The following FILIP1L variants were observed in gnomAD, a reference collection of about 807,000 sequenced individuals.
FILIP1L encodes filamin A interacting protein 1 like, also known as filamin A-interacting protein 1-like.
In FILIP1L, 55 loss-of-function variants were observed where a neutral mutation model predicts 96.6. The observed-to-expected ratio is 0.57, with a 90% CI of 0.46 to 0.71. The LOEUF (loss-of-function observed/expected upper bound fraction) is 0.71. Ranked by LOEUF, FILIP1L falls within the 30% of genes least tolerant of loss-of-function variation. The pLI, the probability that FILIP1L is intolerant of heterozygous loss-of-function variation, is 0.00. For synonymous variants in FILIP1L, 467 were observed against 473.9 expected (o/e 0.99, Z 0.19); for missense variants, 1,304 against 1,321.2 (o/e 0.99, Z 0.20).
intron 4 of FILIP1L, among the ~76,000 whole-genome samples, chr3:99,878,411 G>T (rs995175931): frequency 6.6e-6 from 1 of 152,206 alleles, no homozygotes; most frequent in African/African-American, 2.4e-5. Flanking sequence ...CGCTACTAAA[G>T]TAATGATACA....
Position 100,042,034 on chromosome 3 carries a change from G to T in FILIP1L, c.-11+72019C>A, listed in dbSNP as rs960939419. Among the ~76,000 whole-genome samples, 4 of 152,066 alleles carry T rather than the reference G, an allele frequency of 2.6e-5. No individual in the cohort carries two copies. In the South Asian group the frequency reaches 8.3e-4, roughly 32 times the overall value. On this transcript the variant is annotated intron_variant, in intron 1 of 5. Coordinates refer to ENST00000477258, the MANE Select transcript of FILIP1L (RefSeq NM_001387850.1). ...TTTTATTTCATATATGCCCCCTTCT[G>T]CTCCCCTTTCTCTTTATTTTGCCAT... is the stretch of plus-strand genomic sequence containing the variant.
chr3:100,008,401 T>C (rs1710048438), intron 1 of FILIP1L, among the ~76,000 whole-genome samples: 1 of 152,164 alleles, frequency 6.6e-6, no homozygotes, highest in Admixed American at 6.5e-5. Context: ...AAGATTTTCA[T>C]ATGAGTTGCA....
intron 4 of FILIP1L, among the ~76,000 whole-genome samples, chr3:99,923,573 C>A (rs1193011647): frequency 2.0e-5 from 3 of 152,162 alleles, no homozygotes; most frequent in Non-Finnish European, 4.4e-5. Flanking sequence ...TGCGCACACC[C>A]CCCTCCCAAC....
intron 1 of FILIP1L, among the ~76,000 whole-genome samples, chr3:100,091,170 A>G (rs927780541): frequency 2.6e-5 from 4 of 151,866 alleles, no homozygotes; most frequent in African/African-American, 9.7e-5. Flanking sequence ...CTGTAGTCCC[A>G]GCTACTCGGG....
At chr3:100,104,657 C>G (rs2066364909) in intron 1 of FILIP1L, among the ~76,000 whole-genome samples, 1 of 152,144 alleles carries the variant, frequency 6.6e-6, no homozygotes. Context: ...GGGCCTTTTC[C>G]TGTTTTGCAG....
At chr3:99,870,553 T>C (rs1472233125) in intron 4 of FILIP1L, among the ~76,000 whole-genome samples, 1 of 152,188 alleles carries the variant, frequency 6.6e-6, no homozygotes, top group Admixed American at 6.5e-5. Context: ...GTGGTACCAG[T>C]CCATGCTAGT....
chr3:99,961,310 TC>T (rs1708483057), intron 1 of FILIP1L, among the ~76,000 whole-genome samples: 1 of 152,250 alleles, frequency 6.6e-6, no homozygotes, highest in Non-Finnish European at 1.5e-5. Context: ...TTGTTTGAAA[TC>T]CTCTGAGTAT....
intron 1 of FILIP1L, among the ~76,000 whole-genome samples, chr3:99,938,073 G>A (rs891009278): frequency 2.7e-3 from 130 of 47,756 alleles, no homozygotes; most frequent in African/African-American, 9.4e-3. Flanking sequence ...GTGTGTGTGT[G>A]TGCGCGCGCG....
At chr3:99,872,310 T>C (rs898730401) in intron 4 of FILIP1L, among the ~76,000 whole-genome samples, 1 of 149,952 alleles carries the variant, frequency 6.7e-6, no homozygotes, top group Non-Finnish European at 1.5e-5. Flanking sequence ...TGTGTGTGTG[T>C]GTGTGTGTGT....
At chr3:100,087,716 A>G (rs2066035132) in intron 1 of FILIP1L, among the ~76,000 whole-genome samples, 1 of 152,066 alleles carries the variant, frequency 6.6e-6, no homozygotes, top group Non-Finnish European at 1.5e-5. Context: ...CACAAAGGAA[A>G]AGTTTTTGAA....
At chr3:99,903,382 G>T (rs189051267) in intron 4 of FILIP1L, among the ~76,000 whole-genome samples, 70 of 152,108 alleles carry the variant, frequency 4.6e-4, no homozygotes, top group Admixed American at 1.1e-3. Context: ...CTCCTGAGTA[G>T]CTGGGATTAC....
chr3:99,898,091 T>C lies in FILIP1L; in HGVS notation c.605+26139A>G, dbSNP rs191397306. 8.0e-4 allele frequency: 122 copies of C among 152,358 alleles called. 1 individual carries two copies. The East Asian group carries it at 0.019, about 23-fold the overall frequency. 9.4% of individuals were successfully genotyped at this position (152,358 alleles called of 1,614,324 possible). ...TTTTTAAATAGGCTTATCTAAGTTA[T>C]TAGACTCTCAAGGAAACTTTCAAAA... is the stretch of plus-strand genomic sequence containing the variant. On this transcript the variant is annotated intron_variant, in intron 4 of 5. Coordinates refer to ENST00000477258, the MANE Select transcript of FILIP1L (RefSeq NM_001387850.1).
intron 5 of FILIP1L, among the ~76,000 whole-genome samples, chr3:99,847,653 G>A (rs1943427674): frequency 6.6e-6 from 1 of 152,032 alleles, no homozygotes; most frequent in East Asian, 1.9e-4. Flanking sequence ...ACTGTGCTGG[G>A]CTCTTAGAGA....
At chr3:100,084,120 T>C (rs755228714) in intron 1 of FILIP1L, among the ~76,000 whole-genome samples, 8 of 152,224 alleles carry the variant, frequency 5.3e-5, no homozygotes, top group Admixed American at 2.0e-4. Context: ...CCTCGGGCCA[T>C]GAGACCCATG....
chr3:99,887,517 A>C (rs762080644), intron 4 of FILIP1L, among the ~76,000 whole-genome samples: 10 of 152,196 alleles, frequency 6.6e-5, no homozygotes, highest in African/African-American at 2.4e-4. Flanking sequence ...GGCTACGAAT[A>C]GGTCTTAAAA....
At position 100,090,670 on chromosome 3, in the gene FILIP1L, G is replaced by A. The variant is rs565527841; in HGVS notation, c.-11+23383C>T. Among the ~76,000 whole-genome samples the A allele has an allele frequency of 2.6e-5, 4 of 152,212 alleles. No individual in the cohort carries two copies. The South Asian group carries it at 6.2e-4, about 24-fold the overall frequency. On this transcript the variant is annotated intron_variant, in intron 1 of 5. Transcript: ENST00000477258. ...CATTTCCCATTGCCTTTGACCCTGA[G>A]TCACTCCTATCATGAAATAAGGCTG...
At chr3:99,953,703 A>G (rs564223385) in intron 1 of FILIP1L, among the ~76,000 whole-genome samples, 2 of 152,342 alleles carry the variant, frequency 1.3e-5, no homozygotes, top group South Asian at 4.1e-4. Context: ...TTCTACTGGA[A>G]TGTGCTTTTC....
chr3:99,898,888 ATAT>A (rs1276482081), intron 4 of FILIP1L: 1 of 152,150 alleles, frequency 6.6e-6, no homozygotes, highest in Non-Finnish European at 1.5e-5. Context: ...TGAATGAGGT[ATAT>A]TGCATGAACA....
At chr3:100,079,414 G>A (rs933505718) in intron 1 of FILIP1L, among the ~76,000 whole-genome samples, 1 of 152,162 alleles carries the variant, frequency 6.6e-6, no homozygotes, top group Admixed American at 6.5e-5. Context: ...CTGATAGTAC[G>A]AATATTGCAT....
Sources: allele counts gnomAD v4.1 joint callset (sites outside exome capture counted in the v4.1 genomes callset), GRCh38; gene constraint gnomAD v4.1.1; transcripts MANE v1.5; gene names NCBI Gene and HGNC (gene_info 2026-07-23, HGNC 2026-07-21).